The following POLA2 variants were observed in gnomAD, a reference collection of about 807,000 sequenced individuals.
POLA2 encodes the protein DNA polymerase alpha 2, accessory subunit, also known as DNA polymerase alpha subunit B.
In POLA2, 47 loss-of-function variants were observed where a neutral mutation model predicts 82.8. The ratio of observed to expected loss-of-function variants is 0.57; its 90% CI spans 0.45 to 0.72. The LOEUF (loss-of-function observed/expected upper bound fraction) is 0.72, where lower values mean the gene tolerates loss of function less well. Ranked by LOEUF, POLA2 falls within the 30% of genes least tolerant of loss-of-function variation. POLA2 has a pLI of 0.00. For missense variants in POLA2, 634 were observed against 728.1 expected (o/e 0.87, Z 1.49); for synonymous variants, 287 against 286.8 (o/e 1.00, Z -0.01).
At chr11:65,287,053 T>A (rs539308939) in intron 10 of POLA2, among the ~76,000 whole-genome samples, 1 of 152,064 alleles carries the variant, frequency 6.6e-6, no homozygotes, top group Non-Finnish European at 1.5e-5. Flanking sequence ...GGGAGGAGAG[T>A]GTGAATGGCC....
intron 5 of POLA2, among the ~76,000 whole-genome samples, chr11:65,276,790 C>CTTT (rs1267118697): frequency 3.6e-5 from 5 of 137,732 alleles, no homozygotes; most frequent in Non-Finnish European, 4.7e-5. Context: ...AACTCTATCA[C>CTTT]TTTTTTTTTT....
At chr11:65,281,424 C>A (rs1218617959) in intron 8 of POLA2, among the ~76,000 whole-genome samples, 2 of 152,188 alleles carry the variant, frequency 1.3e-5, no homozygotes, top group Non-Finnish European at 2.9e-5. Context: ...ACTACAGTTT[C>A]TTCACTCACA....
Position 65,295,918 on chromosome 11 carries a change from C to A in POLA2, c.1575C>A (p.Phe525Leu). Residue 525 changes from phenylalanine to leucine, a missense_variant, in exon 17 of 18, where the codon TTC becomes TTA. By Grantham distance (22) the Phe-to-Leu change is conservative. Coordinates refer to ENST00000265465, the MANE Select transcript of POLA2 (RefSeq NM_002689.4). ...QEDMAIDYES[F>L]YVYAQLPVTP... ...ACATGGCCATTGACTATGAGTCGTT[C>A]TATGTTTACGCACAGCTGCCTGTCA... 1 of 1,614,010 alleles carries A rather than the reference C, an allele frequency of 6.2e-7. No individual in the cohort carries two copies. Among genetic ancestry groups the A allele is most frequent in the Non-Finnish European group, 8.5e-7 (1 of 1,179,854 alleles).
In POLA2 at chr11:65,297,839, A is replaced by G. The variant is rs1336043005; in HGVS notation, c.*570A>G. 1 of 152,254 alleles carries G rather than the reference A, an allele frequency of 6.6e-6. No homozygotes were observed. The highest frequency in any genetic ancestry group is 1.5e-5 in the Non-Finnish European group (1 of 68,172). 9.4% of individuals were successfully genotyped at this position (152,254 alleles called of 1,614,324 possible). A position where few individuals can be genotyped will look rare whatever the true frequency, so the allele number is the denominator to read the frequency against. Reference sequence around the variant, plus strand: ...CTAATTTTTTGTATTTTTAGTGGAGATGGGGTTTCACCATGTTAGCCAGGA... The same window carrying G: ...CTAATTTTTTGTATTTTTAGTGGAGGTGGGGTTTCACCATGTTAGCCAGGA... On this transcript the variant is annotated 3_prime_UTR_variant, in exon 18 of 18. Transcript: ENST00000265465.
downstream of POLA2, among the ~76,000 whole-genome samples, chr11:65,300,278 C>T (rs538602978): frequency 1.3e-5 from 2 of 152,258 alleles, no homozygotes; most frequent in East Asian, 3.9e-4. Flanking sequence ...TCACTGCAAC[C>T]TCTGCCTCCC....
rs1312586339 is a variant in POLA2, at chr11:65,286,649, C to CA, written c.1007-1064dup. Among the ~76,000 whole-genome samples, 16 of 152,268 alleles carry CA rather than the reference C, an allele frequency of 1.1e-4. No homozygotes were observed. The South Asian group carries it at 3.1e-3, about 30-fold the overall frequency. ...AAGGGATCCTCCCGCCTTAGCCTCT[C>CA]AAAGTGCTGGAATTACAGGCGTTGA... On this transcript the variant is annotated intron_variant, in intron 10 of 17. Coordinates refer to ENST00000265465, the MANE Select transcript of POLA2 (RefSeq NM_002689.4).
chr11:65,301,466 G>A (rs1364371139), downstream of POLA2, among the ~76,000 whole-genome samples: 1 of 151,834 alleles, frequency 6.6e-6, no homozygotes, highest in African/African-American at 2.4e-5. Context: ...GGTCTGTTGG[G>A]GCAGGTCGGG....
intron 17 of POLA2, 102 bp downstream of exon 17, chr11:65,296,092 G>C (rs1474408355): frequency 7.6e-7 from 1 of 1,323,256 alleles, no homozygotes; most frequent in Non-Finnish European, 1.1e-6. Flanking sequence ...AGCTGATGGG[G>C]ATGGGGCCTC....
downstream of POLA2, among the ~76,000 whole-genome samples, chr11:65,300,780 C>T (rs918501504): frequency 1.2e-4 from 18 of 152,166 alleles, no homozygotes; most frequent in Non-Finnish European, 2.5e-4. Context: ...CAGGGTTTCA[C>T]CATGTTGCCC....
chr11:65,264,056 C>T (rs908222035), intron 1 of POLA2, among the ~76,000 whole-genome samples: 1 of 151,952 alleles, frequency 6.6e-6, no homozygotes, highest in Non-Finnish European at 1.5e-5. Context: ...CCGTATTTCC[C>T]TGTTTTTTTT....
At chr11:65,293,757 T>C (rs1949780081) in intron 13 of POLA2, among the ~76,000 whole-genome samples, 1 of 152,128 alleles carries the variant, frequency 6.6e-6, no homozygotes, top group South Asian at 2.1e-4. Flanking sequence ...GAAGGTGTAA[T>C]GAGTCCAAGC....
At chr11:65,303,068 C>T (rs925696456), downstream of POLA2, among the ~76,000 whole-genome samples, 5 of 152,022 alleles carry the variant, frequency 3.3e-5, no homozygotes, top group Admixed American at 1.3e-4. Context: ...GGGGGCCAGG[C>T]GCGGTGGCTG....
chr11:65,291,181 C>T (rs1949751604), intron 13 of POLA2, among the ~76,000 whole-genome samples: 1 of 152,154 alleles, frequency 6.6e-6, no homozygotes, highest in South Asian at 2.1e-4. Flanking sequence ...ACAAGATCTG[C>T]ATGCTTGTAG....
intron 17 of POLA2, 161 bp downstream of exon 17, chr11:65,296,151 G>A: frequency 2.9e-6 from 2 of 679,028 alleles, no homozygotes; most frequent in East Asian, 2.7e-5. Context: ...GGTGGGACCA[G>A]AAAACAAACA....
intron 4 of POLA2, among the ~76,000 whole-genome samples, chr11:65,269,948 C>T (rs1949504893): frequency 6.6e-6 from 1 of 152,210 alleles, no homozygotes; most frequent in African/African-American, 2.4e-5. Context: ...AATTCTGCCT[C>T]AGCCTCCTGA....
intron 10 of POLA2, among the ~76,000 whole-genome samples, chr11:65,285,601 A>G (rs1436220450): frequency 6.6e-6 from 1 of 151,926 alleles, no homozygotes; most frequent in Non-Finnish European, 1.5e-5. Flanking sequence ...GAAAAAGAAA[A>G]AAAAGAAAAT....
intron 9 of POLA2, 25 bp downstream of exon 9, chr11:65,281,757 C>T: frequency 1.3e-6 from 2 of 1,594,696 alleles, no homozygotes; most frequent in Non-Finnish European, 1.7e-6. Context: ...CCCCACTTGC[C>T]TCTTGGTTTG....
At chr11:65,292,462 A>C (rs1949765668) in intron 13 of POLA2, among the ~76,000 whole-genome samples, 1 of 152,200 alleles carries the variant, frequency 6.6e-6, no homozygotes, top group African/African-American at 2.4e-5. Flanking sequence ...TCCAAAGCCT[A>C]CACTGAAACA....
intron 1 of POLA2, among the ~76,000 whole-genome samples, chr11:65,263,683 C>G (rs952438599): frequency 1.3e-5 from 2 of 151,348 alleles, no homozygotes; most frequent in Non-Finnish European, 2.9e-5. Flanking sequence ...CAAAATTAGT[C>G]GGGCGTGGTG....
Sources: allele counts gnomAD v4.1 joint callset (sites outside exome capture counted in the v4.1 genomes callset), GRCh38; gene constraint gnomAD v4.1.1; transcripts MANE v1.5; gene names NCBI Gene and HGNC (gene_info 2026-07-23, HGNC 2026-07-21).